STK33: variants seen among roughly 807,000 people sequenced by gnomAD.
STK33 encodes the protein serine/threonine-protein kinase 33.
In STK33, 52 loss-of-function variants were observed where a neutral mutation model predicts 58.0. The ratio of observed to expected loss-of-function variants is 0.90; its 90% CI spans 0.72 to 1.13. The LOEUF (loss-of-function observed/expected upper bound fraction) is 1.13, where lower values mean the gene tolerates loss of function less well. STK33 is among the 50% of genes most tolerant of loss of function. The pLI is 0.00. For synonymous variants in STK33, 215 were observed against 200.1 expected (o/e 1.07, Z -0.63); for missense variants, 630 against 604.2 (o/e 1.04, Z -0.45).
At chr11:8,449,549 G>A (rs1410795002) in intron 11 of STK33, among the ~76,000 whole-genome samples, 6 of 149,446 alleles carry the variant, frequency 4.0e-5, no homozygotes, top group Admixed American at 6.7e-5. Flanking sequence ...ACCAAACACC[G>A]CATGTTCTCA....
At chr11:8,468,102 T>A (rs1464641525) in intron 6 of STK33, among the ~76,000 whole-genome samples, 2 of 152,148 alleles carry the variant, frequency 1.3e-5, no homozygotes, top group East Asian at 3.9e-4. Context: ...GACTTACAGT[T>A]CCACATGGCT....
At chr11:8,388,883 C>T (rs1848580376), downstream of STK33, among the ~76,000 whole-genome samples, 1 of 152,232 alleles carries the variant, frequency 6.6e-6, no homozygotes, top group African/African-American at 2.4e-5. Context: ...ATCTCCCCAC[C>T]AGCCCCTCCC....
At chr11:8,422,814 AT>A (rs1429357859) in intron 14 of STK33, among the ~76,000 whole-genome samples, 3 of 151,234 alleles carry the variant, frequency 2.0e-5, no homozygotes, top group Non-Finnish European at 4.4e-5. Flanking sequence ...CATATGTAAG[AT>A]TTTTTTTCTC....
At chr11:8,417,536 G>C (rs989420329) in intron 14 of STK33, among the ~76,000 whole-genome samples, 1 of 152,062 alleles carries the variant, frequency 6.6e-6, no homozygotes, top group Non-Finnish European at 1.5e-5. Flanking sequence ...ATATGAGCTG[G>C]GGTGAGATGG....
At chr11:8,560,305 G>C (rs1957034106) in intron 1 of STK33, among the ~76,000 whole-genome samples, 1 of 152,010 alleles carries the variant, frequency 6.6e-6, no homozygotes, top group African/African-American at 2.4e-5. Flanking sequence ...TTTGATAAAT[G>C]AAAAATAGCA....
intron 1 of STK33, among the ~76,000 whole-genome samples, chr11:8,589,907 T>C (rs2032322611): frequency 6.6e-6 from 1 of 152,176 alleles, no homozygotes; most frequent in South Asian, 2.1e-4. Context: ...AGGATAAATA[T>C]TTGCTTTCTT....
intron 1 of STK33, among the ~76,000 whole-genome samples, chr11:8,529,303 G>A (rs1306411442): frequency 6.6e-6 from 1 of 152,174 alleles, no homozygotes; most frequent in African/African-American, 2.4e-5. Flanking sequence ...GAGGCAGGTA[G>A]GGCCTAGAGA....
At chr11:8,495,626 C>T (rs950165747) in intron 1 of STK33, among the ~76,000 whole-genome samples, 12 of 152,092 alleles carry the variant, frequency 7.9e-5, no homozygotes, top group Non-Finnish European at 1.6e-4. Context: ...ATACATCATG[C>T]TACTATAAAG....
At chr11:8,450,530 A>G (rs752735661) in intron 11 of STK33, among the ~76,000 whole-genome samples, 4 of 152,176 alleles carry the variant, frequency 2.6e-5, no homozygotes, top group African/African-American at 4.8e-5. Flanking sequence ...CCTTCTGTAC[A>G]TGTATCTTAG....
chr11:8,472,835 C>A (rs1040231544), intron 6 of STK33, among the ~76,000 whole-genome samples: 8 of 152,112 alleles, frequency 5.3e-5, no homozygotes, highest in African/African-American at 1.9e-4. Flanking sequence ...ACTAAAATTA[C>A]CTGGTCCATC....
intron 1 of STK33, among the ~76,000 whole-genome samples, chr11:8,581,725 A>G (rs1447085287): frequency 6.6e-6 from 1 of 152,240 alleles, no homozygotes; most frequent in African/African-American, 2.4e-5. Context: ...CATCAGTTTA[A>G]AGGCATTTCA....
At chr11:8,449,979 G>A (rs1946067881) in intron 11 of STK33, among the ~76,000 whole-genome samples, 1 of 152,172 alleles carries the variant, frequency 6.6e-6, no homozygotes, top group South Asian at 2.1e-4. Context: ...TTCAACCATT[G>A]TGGAATACAG....
chr11:8,544,339 TTA>T (rs1392243442), intron 1 of STK33, among the ~76,000 whole-genome samples: 2 of 121,142 alleles, frequency 1.7e-5, no homozygotes, highest in African/African-American at 3.2e-5. Context: ...ATTTATAAAA[TTA>T]TATATATAAT....
chr11:8,548,466 T>G (rs1956093316), intron 1 of STK33, among the ~76,000 whole-genome samples: 1 of 152,236 alleles, frequency 6.6e-6, no homozygotes, highest in Admixed American at 6.5e-5. Flanking sequence ...CATTGGTCTA[T>G]GTGTCCATTT....
In STK33 at chr11:8,434,722, G is replaced by A. The variant is rs190099583; in HGVS notation, c.1146+772C>T. ...ACTCACACCTGCATCTACCAGGAAA[G>A]AGGAAGGACATGAGAAATGCCATAT... On this transcript the variant is annotated intron_variant, in intron 14 of 15. Transcript: ENST00000687296. Among the ~76,000 whole-genome samples, 56 of 152,262 alleles carry A rather than the reference G, an allele frequency of 3.7e-4. No individual in the cohort carries two copies. The East Asian group carries it at 0.011, about 29-fold the overall frequency.
chr11:8,469,016 A>G (rs1948512372), intron 6 of STK33, among the ~76,000 whole-genome samples: 1 of 152,188 alleles, frequency 6.6e-6, no homozygotes, highest in African/African-American at 2.4e-5. Context: ...TTGCTGGTGG[A>G]GGGTCCTGCC....
intron 6 of STK33, 102 bp from the exon 7 acceptor site, chr11:8,464,924 C>A (rs1410531157): frequency 1.0e-5 from 7 of 686,910 alleles, no homozygotes; most frequent in South Asian, 2.2e-5. Flanking sequence ...AAAAGAGATT[C>A]TGCTCCAAGT....
chr11:8,528,867 T>G (rs568114810), intron 1 of STK33, among the ~76,000 whole-genome samples: 11 of 152,340 alleles, frequency 7.2e-5, no homozygotes, highest in African/African-American at 2.6e-4. Context: ...TTTAGTTTAT[T>G]TAAGGAAATA....
the STK33 span, among the ~76,000 whole-genome samples, chr11:8,375,969 G>A: frequency 2.0e-5 from 3 of 152,164 alleles, no homozygotes; most frequent in Non-Finnish European, 2.9e-5. Context: ...AGGAGAGTTG[G>A]GAAACTCAGC....
Sources: gnomAD v4.1 joint callset for allele counts (sites outside exome capture counted in the v4.1 genomes callset) on GRCh38, gnomAD v4.1.1 for gene constraint, MANE v1.5 for transcripts, NCBI Gene and HGNC (gene_info 2026-07-23, HGNC 2026-07-21) for gene names.